RPS6KA4: variants seen among roughly 807,000 people sequenced by gnomAD.
The protein encoded by RPS6KA4 is ribosomal protein S6 kinase A4.
Under a neutral mutation model 89.6 loss-of-function variants are expected in RPS6KA4, and 38 were observed. The ratio of observed to expected loss-of-function variants is 0.42; its 90% CI spans 0.33 to 0.56. The LOEUF is 0.56. Ranked by LOEUF, RPS6KA4 falls within the 20% of genes least tolerant of loss-of-function variation. The pLI is 0.07. For missense variants in RPS6KA4, 873 were observed against 1,098.8 expected (o/e 0.79, Z 2.90); for synonymous variants, 495 against 492.8 (o/e 1.00, Z -0.06).
intron 9 of RPS6KA4, among the ~76,000 whole-genome samples, chr11:64,367,333 G>A (rs1485226194): frequency 6.6e-6 from 1 of 151,716 alleles, no homozygotes; most frequent in Non-Finnish European, 1.5e-5. Flanking sequence ...TTTTTGAGAC[G>A]CAGTTTCGCT....
At chr11:64,367,129 A>C (rs2036903806) in intron 9 of RPS6KA4, among the ~76,000 whole-genome samples, 1 of 152,124 alleles carries the variant, frequency 6.6e-6, no homozygotes, top group Non-Finnish European at 1.5e-5. Flanking sequence ...TTTATTTTTA[A>C]AATTATTTTT....
In RPS6KA4 at chr11:64,365,457, A is replaced by G; in HGVS notation, c.1063A>G (p.Ile355Val). The stretch of plus-strand genomic sequence containing the variant: ...CAGCCCCCCACCTGGGGACCCCCGA[A>G]TCTTTCAGGTGAGGGGAAACTCATG... ...PGSPPPGDPR[I>V]FQGYSFVAPS... The change falls in exon 9 of 17, where the codon ATC (isoleucine) becomes GTC (valine). Residue 355 changes from isoleucine to valine, a missense_variant. By Grantham distance (29) the Ile-to-Val change is conservative. Around this residue, in one of 4 missense-constraint regions of RPS6KA4, gnomAD observed 542 missense variants for 736.4 expected, o/e 0.74. Coordinates refer to ENST00000334205, the MANE Select transcript of RPS6KA4 (RefSeq NM_003942.3). The G allele has an allele frequency of 6.2e-7, 1 of 1,613,814 alleles. No individual in the cohort carries two copies. The highest frequency in any genetic ancestry group is 8.5e-7 in the Non-Finnish European group (1 of 1,179,984).
At position 64,371,629 on chromosome 11, in the gene RPS6KA4, A is replaced by ATTT. The variant is rs984427427; in HGVS notation, c.*152_*154dup. 38 of 534,284 alleles carry ATTT rather than the reference A, an allele frequency of 7.1e-5. No homozygotes were observed. The highest frequency in any genetic ancestry group is 6.5e-4 in the African/African-American group (33 of 50,864). The allele number at this position is 534,284 out of a possible 1,614,324, so 33.1% of individuals were successfully genotyped here. A position where few individuals can be genotyped will look rare whatever the true frequency, so the allele number is the denominator to read the frequency against. ...CCCCACTCCCAGACAGAGCAGAAGT[A>ATTT]TTTTTATAAGCAGAGAATTTTTTAT... is the stretch of plus-strand genomic sequence containing the variant. On this transcript the variant is annotated 3_prime_UTR_variant, in exon 17 of 17. Transcript: ENST00000334205.
Position 64,365,185 on chromosome 11 carries a change from C to T in RPS6KA4, c.907-116C>T. 3.2e-6 allele frequency: 4 copies of T among 1,253,652 alleles called. No individual in the cohort carries two copies. The South Asian group carries it at 5.7e-5, about 18-fold the overall frequency. 77.7% of individuals were successfully genotyped at this position (1,253,652 alleles called of 1,614,324 possible). A position where few individuals can be genotyped will look rare whatever the true frequency, so the allele number is the denominator to read the frequency against. On this transcript the variant is annotated intron_variant, in intron 8 of 16. Transcript: ENST00000334205. ...GAGGCAGGAGGAACAGCTGCCCACC[C>T]CAAATGCCAGATGGGCCCTTGCCTC...
In RPS6KA4 at chr11:64,371,438, A is replaced by G; in HGVS notation, c.2277A>G (p.Lys759=). ...ANPGRAPVAS[K]GAPRRANGPL... ...CGGGCCGAGCCCCCGTCGCCTCCAA[A>G]GGGGCCCCCCGCCGAGCCAACGGCC... The change falls in exon 17 of 17, where the codon AAA becomes AAG. Residue 759 remains lysine (K), a synonymous_variant. Coordinates refer to ENST00000334205, the MANE Select transcript of RPS6KA4 (RefSeq NM_003942.3). 6.3e-7 allele frequency: 1 copy of G among 1,589,864 alleles called. No individual in the cohort carries two copies.
At position 64,361,226 on chromosome 11, in the gene RPS6KA4, G is replaced by C. The variant is rs547821788; in HGVS notation, c.555G>C (p.Glu185Asp). The C allele has an allele frequency of 3.1e-6, 5 of 1,613,386 alleles. No homozygotes were observed. In the South Asian group the frequency reaches 4.4e-5, roughly 14 times the overall value. ...TCACGGACTTCGGGCTGAGCAAGGA[G>C]TTCCTGACGGAGGAGGTGAGTGGAG... is the stretch of plus-strand genomic sequence containing the variant. Reference protein sequence around the residue: ...IVLTDFGLSKEFLTEEKERTF... With the variant: ...IVLTDFGLSKDFLTEEKERTF... Residue 185 changes from glutamate (E) to aspartate (D), a missense_variant, in exon 5 of 17, where the codon GAG (glutamate) becomes GAC (aspartate). This residue lies in a region of RPS6KA4 where 542 missense variants were observed against 736.4 expected (regional missense o/e 0.74). Transcript: ENST00000334205. The surrounding 1 kb of genome is among the most constrained non-coding windows in gnomAD (Gnocchi z 4.7).
At chr11:64,360,108 C>G (rs1045081494) in intron 2 of RPS6KA4, 55 bp from the exon 3 acceptor site, 6 of 1,489,276 alleles carry the variant, frequency 4.0e-6, no homozygotes, top group Non-Finnish European at 5.4e-6. Flanking sequence ...ACCCCCCAAG[C>G]CTGCACCAAT....
chr11:64,370,736 A>T lies in RPS6KA4; in HGVS notation c.2121+10A>T. 6.5e-7 allele frequency: 1 copy of T among 1,530,956 alleles called. No individual in the cohort carries two copies. Among genetic ancestry groups the T allele is most frequent in the African/African-American group, 1.4e-5 (1 of 73,772 alleles). The allele number at this position is 1,530,956 out of a possible 1,614,324, so 94.8% of individuals were successfully genotyped here. A position where few individuals can be genotyped will look rare whatever the true frequency, so the allele number is the denominator to read the frequency against. ...CAACGCCACCTTCATGGTAAGGGGC[A>T]GGGTCTGTTGAAGGGAAGGGGTGGG... On this transcript the variant is annotated intron_variant, in intron 16 of 16. Coordinates refer to ENST00000334205, the MANE Select transcript of RPS6KA4 (RefSeq NM_003942.3). This position sits in a 1 kb window ranked among gnomAD's most constrained non-coding sequence, Gnocchi z 4.1.
In RPS6KA4 at chr11:64,368,468, G is replaced by T; in HGVS notation, c.1201G>T (p.Asp401Tyr). 1 of 1,550,664 alleles carries T rather than the reference G, an allele frequency of 6.4e-7. No individual in the cohort carries two copies. Among genetic ancestry groups the T allele is most frequent in the Non-Finnish European group, 8.7e-7 (1 of 1,147,908 alleles). The change falls in exon 11 of 17, where the codon GAC (aspartate) becomes TAC (tyrosine). Residue 401 changes from aspartate to tyrosine, a missense_variant and splice_region_variant. By Grantham distance (160) the Asp-to-Tyr change is radical. Coordinates refer to ENST00000334205, the MANE Select transcript of RPS6KA4 (RefSeq NM_003942.3). ...AAVARSAMMQ[D>Y]SPFFQQYELD... ...CCTTCGCCTTCGCCTTCGCCTCCAG[G>T]ACTCGCCCTTCTTCCAGCAGTACGA...
chr11:64,370,683 C>G lies in RPS6KA4; in HGVS notation c.2078C>G (p.Ser693Cys), dbSNP rs966333030. ...PPLRTPDVLE[S>C]SGPAVRSGLN... is the part of the protein sequence containing the mutation. The stretch of plus-strand genomic sequence containing the variant: ...CTCCGGACGCCCGACGTGCTCGAGT[C>G]CTCTGGGCCCGCAGTGCGCTCGGGT... The change falls in exon 16 of 17, where the codon TCC (serine) becomes TGC (cysteine). Residue 693 changes from serine (S) to cysteine (C), a missense_variant. By Grantham distance (112) the Ser-to-Cys change is moderately radical. This residue lies in a region of RPS6KA4 where 278 missense variants were observed against 284.8 expected (regional missense o/e 0.98). Coordinates refer to ENST00000334205, the MANE Select transcript of RPS6KA4 (RefSeq NM_003942.3). This position sits in a 1 kb window ranked among gnomAD's most constrained non-coding sequence, Gnocchi z 4.1. 3.2e-6 allele frequency: 5 copies of G among 1,571,312 alleles called. No individual in the cohort carries two copies. Among genetic ancestry groups the G allele is most frequent in the Non-Finnish European group, 4.3e-6 (5 of 1,164,566 alleles).
chr11:64,370,069 C>T lies in RPS6KA4; in HGVS notation c.1798-156C>T, dbSNP rs868125127. 6.6e-6 allele frequency among the ~76,000 whole-genome samples: 1 copy of T among 152,034 alleles called. No individual in the cohort carries two copies. Among genetic ancestry groups the T allele is most frequent in the Non-Finnish European group, 1.5e-5 (1 of 67,986 alleles). ...GGTGGGGTCGCTCTGGTGCTAGAGT[C>T]GGAGCATCCGGGTATTGGGGGTTAG... On this transcript the variant is annotated intron_variant, in intron 14 of 16. Transcript: ENST00000334205. The surrounding 1 kb of genome is among the most constrained non-coding windows in gnomAD (Gnocchi z 4.1).
At chr11:64,369,195 G>A (rs11601651) in intron 12 of RPS6KA4, among the ~76,000 whole-genome samples, 44,810 of 152,074 alleles carry the variant, frequency 0.29, 7,843 homozygotes, top group Non-Finnish European at 0.38. Context: ...GGAGGCTGAG[G>A]CACGAGAATC....
chr11:64,363,825 G>A (rs1256977567), intron 8 of RPS6KA4, among the ~76,000 whole-genome samples: 1 of 152,098 alleles, frequency 6.6e-6, no homozygotes, highest in African/African-American at 2.4e-5. Context: ...CTTCTTTGGT[G>A]AGAGCAGTGC....
In RPS6KA4 at chr11:64,361,954, C is replaced by T. The variant is rs555307847; in HGVS notation, c.858C>T (p.Gly286=). The T allele has an allele frequency of 1.8e-5, 29 of 1,610,370 alleles. No individual in the cohort carries two copies. Among genetic ancestry groups the T allele is most frequent in the African/African-American group, 8.0e-5 (6 of 74,566 alleles). The change falls in exon 8 of 17, where the codon GGC becomes GGT. Residue 286 remains glycine, a synonymous_variant. Transcript: ENST00000334205. This position sits in a 1 kb window ranked among gnomAD's most constrained non-coding sequence, Gnocchi z 4.7. ...GTAAGGATCCTAAGAAGCGATTGGG[C>T]GCGGGGCCCCAGGGGGCACAAGAAG... ...LLCKDPKKRL[G]AGPQGAQEVR...
Position 64,361,900 on chromosome 11 carries a change from G to A in RPS6KA4, c.804G>A (p.Val268=). 6.2e-7 allele frequency: 1 copy of A among 1,613,152 alleles called. No individual in the cohort carries two copies. Among genetic ancestry groups the A allele is most frequent in the East Asian group, 2.2e-5 (1 of 44,868 alleles). The stretch of plus-strand genomic sequence containing the variant: ...CCTTCCCCCCTCGGATCGGGCCCGT[G>A]GCGCAGGACCTGCTGCAGCGGCTGC... The part of the protein sequence containing the change: ...SPPFPPRIGP[V]AQDLLQRLLC... Residue 268 remains valine, a synonymous_variant, in exon 8 of 17, where the codon GTG becomes GTA. Coordinates refer to ENST00000334205, the MANE Select transcript of RPS6KA4 (RefSeq NM_003942.3). The surrounding 1 kb of genome is among the most constrained non-coding windows in gnomAD (Gnocchi z 4.7).
rs181610317 is a variant in RPS6KA4, at chr11:64,364,778, C to T, written c.907-523C>T. The stretch of plus-strand genomic sequence containing the variant: ...TTTGAGATGGGGTTTTCGCTCTTGT[C>T]GCCCAGGCTGGAGTGCAGTGGCGCT... On this transcript the variant is annotated intron_variant, in intron 8 of 16. Transcript: ENST00000334205. Among the ~76,000 whole-genome samples, 994 of 146,460 alleles carry T rather than the reference C, an allele frequency of 6.8e-3. 14 individuals are homozygous for T. The highest frequency in any genetic ancestry group is 0.024 in the African/African-American group (957 of 39,222).
At chr11:64,371,035 C>T (rs960565537) in intron 16 of RPS6KA4, among the ~76,000 whole-genome samples, 1 of 137,616 alleles carries the variant, frequency 7.3e-6, no homozygotes, top group East Asian at 2.4e-4. Flanking sequence ...ACCCAGGAGG[C>T]GGAGGTTGCA....
At position 64,361,316 on chromosome 11, in the gene RPS6KA4, G is replaced by C; in HGVS notation, c.570+75G>C. 8.2e-6 allele frequency: 12 copies of C among 1,469,950 alleles called. No individual in the cohort carries two copies. The highest frequency in any genetic ancestry group is 1.1e-5 in the Non-Finnish European group (12 of 1,058,578). 91.1% of individuals were successfully genotyped at this position (1,469,950 alleles called of 1,614,324 possible). A position where few individuals can be genotyped will look rare whatever the true frequency, so the allele number is the denominator to read the frequency against. ...TCCTGCCTCTTCCTGCTCTGGGCCT[G>C]CATTCTGGGGCTGCAGAAGTGAATA... On this transcript the variant is annotated intron_variant, in intron 5 of 16. Transcript: ENST00000334205. The surrounding 1 kb of genome is among the most constrained non-coding windows in gnomAD (Gnocchi z 4.7).
chr11:64,368,896 T>C (rs1029578983), intron 12 of RPS6KA4, 99 bp downstream of exon 12: 1 of 1,151,082 alleles, frequency 8.7e-7, no homozygotes, highest in Non-Finnish European at 1.2e-6. Context: ...GGGCGGGGCC[T>C]AGCGTTTGAT....
Sources: gnomAD v4.1 joint callset for allele counts (sites outside exome capture counted in the v4.1 genomes callset) on GRCh38, gnomAD v4.1.1 for gene constraint, gnomAD v4.1.1 regional missense constraint, Gnocchi (gnomAD v3.1) non-coding constraint, MANE v1.5 for transcripts, NCBI Gene and HGNC (gene_info 2026-07-23, HGNC 2026-07-21) for gene names.